BTBD9: variants seen among roughly 807,000 people sequenced by gnomAD.
The protein encoded by BTBD9 is BTB domain containing 9.
In BTBD9, 49 loss-of-function variants were observed where a neutral mutation model predicts 64.3. That is an observed-to-expected ratio of 0.76 (90% CI 0.61 to 0.97). BTBD9 has a LOEUF of 0.97. BTBD9 is among the 50% of genes least tolerant of loss of function. BTBD9 has a pLI of 0.00. For synonymous variants in BTBD9, 260 were observed against 274.7 expected, an observed-to-expected ratio of 0.95 and a Z score of 0.53; for missense variants, 598 against 762.1, an observed-to-expected ratio of 0.78 and a Z score of 2.53.
At chr6:38,635,823 G>T (rs1259242574) in intron 1 of BTBD9, among the ~76,000 whole-genome samples, 1 of 152,106 alleles carries the variant, frequency 6.6e-6, no homozygotes, top group Non-Finnish European at 1.5e-5. Flanking sequence ...ATCAGTTCTT[G>T]TCTTAGTTTG....
chr6:38,183,720 A>G lies in BTBD9; in HGVS notation c.1642-8538T>C, dbSNP rs550799374. Among the ~76,000 whole-genome samples the G allele has an allele frequency of 2.0e-5, 3 of 152,350 alleles. 1 individual carries two copies. Among genetic ancestry groups the G allele is most frequent in the African/African-American group, 7.2e-5 (3 of 41,578 alleles). ...TATTTTTGTGCAACCGAATGCTTCC[A>G]GACTCTCTCATAACCATCAGAGCTC... On this transcript the variant is annotated intron_variant, in intron 10 of 10. Transcript: ENST00000481247.
chr6:38,513,693 C>T (rs1456814291), intron 6 of BTBD9, among the ~76,000 whole-genome samples: 2 of 152,030 alleles, frequency 1.3e-5, no homozygotes, highest in African/African-American at 2.4e-5. Flanking sequence ...TATTATTAAT[C>T]GTAAAACTAC....
chr6:38,545,845 C>CACACACAT (rs1429736343), intron 6 of BTBD9, among the ~76,000 whole-genome samples: 1 of 119,832 alleles, frequency 8.3e-6, no homozygotes, highest in East Asian at 2.3e-4. Context: ...AAAACACACA[C>CACACACAT]ACACACACAT....
chr6:38,198,145 A>G (rs1461494243), intron 9 of BTBD9, among the ~76,000 whole-genome samples: 2 of 152,222 alleles, frequency 1.3e-5, no homozygotes, highest in African/African-American at 2.4e-5. Context: ...CAGTTCTTGA[A>G]ATAAATAAAA....
At chr6:38,439,549 C>T (rs1768928015) in intron 6 of BTBD9, among the ~76,000 whole-genome samples, 3 of 152,110 alleles carry the variant, frequency 2.0e-5, no homozygotes, top group Non-Finnish European at 4.4e-5. Context: ...GCCTCAGCCT[C>T]CCGAGTAGCT....
At chr6:38,497,505 C>T (rs771024980) in intron 6 of BTBD9, among the ~76,000 whole-genome samples, 3 of 152,096 alleles carry the variant, frequency 2.0e-5, no homozygotes, top group Non-Finnish European at 4.4e-5. Context: ...TCAGGTTTCC[C>T]GGACCCTACA....
Position 38,171,862 on chromosome 6 carries a change from A to C in BTBD9, c.*3123T>G, listed in dbSNP as rs1285093744. 2.3e-4 allele frequency: 18 copies of C among 78,730 alleles called. No homozygotes were observed. Among genetic ancestry groups the C allele is most frequent in the Non-Finnish European group, 3.7e-4 (13 of 34,678 alleles). 4.9% of individuals were successfully genotyped at this position (78,730 alleles called of 1,614,324 possible). A position where few individuals can be genotyped will look rare whatever the true frequency, so the allele number is the denominator to read the frequency against. On this transcript the variant is annotated 3_prime_UTR_variant, in exon 11 of 11. Coordinates refer to ENST00000481247, the MANE Select transcript of BTBD9 (RefSeq NM_001099272.2). ...TTCTACTCTCAAAAAAAAAAAAAAA[A>C]AAAAAAAAAAAAAAAAAAAATAATA...
Position 38,184,290 on chromosome 6 carries a change from C to G in BTBD9, c.1641+8229G>C, listed in dbSNP as rs1472911516. On this transcript the variant is annotated intron_variant, in intron 10 of 10. Transcript: ENST00000481247. This position sits in a 1 kb window ranked among gnomAD's most constrained non-coding sequence, Gnocchi z 4.4. ...CGCTGGGCTTGACTATCCCGGCTGT[C>G]CCTGCACTGCCTCCTCTCTGGCCCA... Among the ~76,000 whole-genome samples the G allele has an allele frequency of 1.3e-5, 2 of 152,212 alleles. No homozygotes were observed. Among genetic ancestry groups the G allele is most frequent in the East Asian group, 3.9e-4 (2 of 5,190 alleles).
At chr6:38,326,214 A>G (rs1763421119) in intron 7 of BTBD9, among the ~76,000 whole-genome samples, 1 of 152,234 alleles carries the variant, frequency 6.6e-6, no homozygotes, top group South Asian at 2.1e-4. Flanking sequence ...CAGAGCGAAC[A>G]GCAAGTGCAA....
chr6:38,457,583 T>C (rs951485747), intron 6 of BTBD9, among the ~76,000 whole-genome samples: 1 of 151,914 alleles, frequency 6.6e-6, no homozygotes, highest in Non-Finnish European at 1.5e-5. Context: ...AATAACTGAT[T>C]GGAGGAGTGA....
rs116906985 is a variant in BTBD9, at chr6:38,285,920, T to C, written c.1454+2352A>G. 8.4e-4 allele frequency among the ~76,000 whole-genome samples: 128 copies of C among 152,270 alleles called. 2 individuals are homozygous for C. The East Asian group carries it at 0.01, about 12-fold the overall frequency. Reference sequence around the variant, plus strand: ...AAAAGGGATAGGTTGTAATGGAAAATATAGAGGTTTCACATCATCTTTAAC... The same window carrying C: ...AAAAGGGATAGGTTGTAATGGAAAACATAGAGGTTTCACATCATCTTTAAC... On this transcript the variant is annotated intron_variant, in intron 8 of 10. Coordinates refer to ENST00000481247, the MANE Select transcript of BTBD9 (RefSeq NM_001099272.2).
chr6:38,286,586 T>C (rs540569590), intron 8 of BTBD9, among the ~76,000 whole-genome samples: 3 of 151,966 alleles, frequency 2.0e-5, no homozygotes, highest in African/African-American at 7.2e-5. Context: ...CATTAAATAA[T>C]AAAAAGAAGA....
chr6:38,508,306 T>C (rs1442616905), intron 6 of BTBD9, among the ~76,000 whole-genome samples: 1 of 152,198 alleles, frequency 6.6e-6, no homozygotes, highest in Non-Finnish European at 1.5e-5. Context: ...CCCATCTTAG[T>C]GAATGGTACC....
intron 6 of BTBD9, among the ~76,000 whole-genome samples, chr6:38,467,752 T>G (rs748284272): frequency 3.5e-4 from 54 of 152,292 alleles, no homozygotes; most frequent in Admixed American, 9.8e-4. Flanking sequence ...CTATTCTGGC[T>G]CCACAATTTT....
At chr6:38,562,932 T>C (rs567866516) in intron 6 of BTBD9, among the ~76,000 whole-genome samples, 1 of 152,322 alleles carries the variant, frequency 6.6e-6, no homozygotes, top group South Asian at 2.1e-4. Context: ...ACCACTACTG[T>C]ATCAGTAAAA....
intron 7 of BTBD9, among the ~76,000 whole-genome samples, chr6:38,315,963 A>C (rs755210991): frequency 1.1e-4 from 16 of 152,262 alleles, no homozygotes; most frequent in Non-Finnish European, 1.5e-4. Context: ...CTCTAATAAT[A>C]TTTGCTTTAT....
intron 4 of BTBD9, chr6:38,587,235 A>C (rs1582677335): frequency 4.0e-6 from 1 of 248,384 alleles, no homozygotes; most frequent in East Asian, 1.3e-4. Context: ...CGGCCCAGTC[A>C]GTGGAGACCT....
intron 6 of BTBD9, among the ~76,000 whole-genome samples, chr6:38,392,408 C>T (rs934205424): frequency 6.6e-6 from 1 of 152,122 alleles, no homozygotes; most frequent in African/African-American, 2.4e-5. Context: ...GAGTGAGTCC[C>T]TCATTCCTGG....
intron 10 of BTBD9, among the ~76,000 whole-genome samples, chr6:38,175,647 G>T (rs1761202979): frequency 6.6e-6 from 1 of 152,196 alleles, no homozygotes; most frequent in Non-Finnish European, 1.5e-5. Flanking sequence ...ATCTGCGTGG[G>T]TTGTCTCTGG....
Sources: allele counts gnomAD v4.1 joint callset (sites outside exome capture counted in the v4.1 genomes callset), GRCh38; gene constraint gnomAD v4.1.1; non-coding constraint Gnocchi (gnomAD v3.1); transcripts MANE v1.5; gene names NCBI Gene and HGNC (gene_info 2026-07-23, HGNC 2026-07-21).